The following KIAA0825 variants were observed in gnomAD, a reference collection of about 807,000 sequenced individuals.
The protein encoded by KIAA0825 is KIAA0825.
KIAA0825 carries 119 observed loss-of-function variants against 147.6 expected under a neutral mutation model. The observed-to-expected ratio is 0.81, with a 90% confidence interval of 0.69 to 0.94. KIAA0825 has a LOEUF of 0.94. KIAA0825 is among the 40% of genes least tolerant of loss of function. KIAA0825 has a pLI of 0.00. For missense variants in KIAA0825, 1,381 were observed against 1,472.7 expected, an observed-to-expected ratio of 0.94 and a Z score of 1.02; for synonymous variants, 470 against 518.1, an observed-to-expected ratio of 0.91 and a Z score of 1.26.
At chr5:94,305,731 C>T (rs1295664283) in intron 20 of KIAA0825, among the ~76,000 whole-genome samples, 1 of 151,868 alleles carries the variant, frequency 6.6e-6, no homozygotes, top group Admixed American at 6.6e-5. Flanking sequence ...AGGGTTTTGA[C>T]ATGCCAAACT....
chr5:94,496,995 G>A (rs908301154), intron 5 of KIAA0825, among the ~76,000 whole-genome samples: 13 of 152,088 alleles, frequency 8.5e-5, no homozygotes, highest in Admixed American at 5.2e-4. Context: ...CCTCTTGAAC[G>A]TGGCGCCTTC....
At chr5:94,562,324 A>G (rs1777702240) in intron 2 of KIAA0825, among the ~76,000 whole-genome samples, 1 of 152,182 alleles carries the variant, frequency 6.6e-6, no homozygotes, top group South Asian at 2.1e-4. Context: ...TAAATTTTGG[A>G]TTTCTTCAAA....
At chr5:94,239,404 A>C (rs1775232369) in intron 20 of KIAA0825, among the ~76,000 whole-genome samples, 1 of 152,220 alleles carries the variant, frequency 6.6e-6, no homozygotes. Context: ...GAGATCTGGC[A>C]TTCTGAAAAT....
intron 5 of KIAA0825, among the ~76,000 whole-genome samples, chr5:94,505,151 G>C (rs1765592390): frequency 6.6e-6 from 1 of 151,850 alleles, no homozygotes; most frequent in Non-Finnish European, 1.5e-5. Context: ...CTTGAGGTCA[G>C]GAGTTCAGAC....
intron 20 of KIAA0825, among the ~76,000 whole-genome samples, chr5:94,280,279 C>T (rs922056024): frequency 1.3e-5 from 2 of 152,032 alleles, no homozygotes; most frequent in African/African-American, 4.8e-5. Context: ...CACTCCCAGT[C>T]CAGAACTCTC....
chr5:94,360,212 A>G (rs189435172), intron 20 of KIAA0825, among the ~76,000 whole-genome samples: 2 of 152,294 alleles, frequency 1.3e-5, no homozygotes, highest in East Asian at 1.9e-4. Flanking sequence ...CAAACTTACT[A>G]TCATAACCTG....
intron 15 of KIAA0825, among the ~76,000 whole-genome samples, chr5:94,405,798 T>C (rs1333956011): frequency 6.6e-6 from 1 of 152,182 alleles, no homozygotes; most frequent in Non-Finnish European, 1.5e-5. Flanking sequence ...ACGGGATGGC[T>C]TGGAGCAATC....
Position 94,364,389 on chromosome 5 carries a change from C to CT in KIAA0825, c.3710+19978dup, listed in dbSNP as rs1175486296. Among the ~76,000 whole-genome samples, 388 of 146,180 alleles carry CT rather than the reference C, an allele frequency of 2.7e-3. 2 individuals carry two copies. The highest frequency in any genetic ancestry group is 0.011 in the Middle Eastern group (3 of 274). On this transcript the variant is annotated intron_variant, in intron 20 of 20. Coordinates refer to ENST00000682413, the MANE Select transcript of KIAA0825 (RefSeq NM_001145678.3). ...TATCAGGAAATGCTTCATTTCTTTT[C>CT]TTTTTTTTTTGAGATGGAGTCTTGC...
At chr5:94,216,172 G>T (rs1335010722) in intron 20 of KIAA0825, among the ~76,000 whole-genome samples, 1 of 152,100 alleles carries the variant, frequency 6.6e-6, no homozygotes, top group African/African-American at 2.4e-5. Context: ...TATTAGTTTG[G>T]AATTATAGAT....
At chr5:94,614,139 A>C (rs989867769) in intron 1 of KIAA0825, among the ~76,000 whole-genome samples, 21 of 152,182 alleles carry the variant, frequency 1.4e-4, no homozygotes, top group Non-Finnish European at 2.6e-4. Flanking sequence ...ATAGAAGCAA[A>C]TTTATTGACA....
intron 20 of KIAA0825, among the ~76,000 whole-genome samples, chr5:94,346,398 G>A (rs566047424): frequency 2.0e-5 from 3 of 152,008 alleles, no homozygotes; most frequent in South Asian, 2.1e-4. Flanking sequence ...TTTCCAGATC[G>A]ACTGCAAGAA....
chr5:94,158,341 A>T (rs958386097), intron 20 of KIAA0825, among the ~76,000 whole-genome samples: 2 of 152,068 alleles, frequency 1.3e-5, no homozygotes, highest in Non-Finnish European at 2.9e-5. Flanking sequence ...TTTTGGAGGA[A>T]GTTTGCCAAA....
chr5:94,256,478 GA>G lies in KIAA0825; in HGVS notation c.3711-102355del, dbSNP rs1776260887. ...GCTCAACTTTATTTGTTAAAAGCTA[GA>G]AAAAATTAAAATCATGTAATGCTTA... is the stretch of plus-strand genomic sequence containing the variant. On this transcript the variant is annotated intron_variant, in intron 20 of 20. Coordinates refer to ENST00000682413, the MANE Select transcript of KIAA0825 (RefSeq NM_001145678.3). Among the ~76,000 whole-genome samples, 4 of 152,144 alleles carry G rather than the reference GA, an allele frequency of 2.6e-5. No homozygotes were observed. The South Asian group carries it at 8.3e-4, about 31-fold the overall frequency.
At chr5:94,367,450 A>G (rs749515347) in intron 20 of KIAA0825, among the ~76,000 whole-genome samples, 8 of 152,188 alleles carry the variant, frequency 5.3e-5, no homozygotes, top group Non-Finnish European at 1.0e-4. Context: ...GTGAGCCAAG[A>G]TGGCACCATT....
intron 7 of KIAA0825, among the ~76,000 whole-genome samples, chr5:94,474,476 G>GT (rs1284932584): frequency 6.6e-6 from 1 of 151,904 alleles, no homozygotes; most frequent in South Asian, 2.1e-4. Context: ...GATCTCAGGG[G>GT]TTTTTTTGCT....
At chr5:94,237,350 T>C (rs547513639) in intron 20 of KIAA0825, among the ~76,000 whole-genome samples, 1 of 152,264 alleles carries the variant, frequency 6.6e-6, no homozygotes, top group Non-Finnish European at 1.5e-5. Context: ...AATGTAGATG[T>C]CATCTACATC....
At chr5:94,474,174 T>G in intron 7 of KIAA0825, among the ~76,000 whole-genome samples, 1 of 152,108 alleles carries the variant, frequency 6.6e-6, no homozygotes, top group South Asian at 2.1e-4. Context: ...TTGTGGTGGT[T>G]GGGGGGGTAC....
In KIAA0825 at chr5:94,260,289, A is replaced by C. The variant is rs577285123; in HGVS notation, c.3711-106165T>G. 3.3e-5 allele frequency among the ~76,000 whole-genome samples: 5 copies of C among 152,250 alleles called. No individual in the cohort carries two copies. In the South Asian group the frequency reaches 1.0e-3, roughly 32 times the overall value. Reference sequence around the variant, plus strand: ...TGGAACTAAGCCTCAATTTTACAGTAATAGATTCTCTTTATGATGGCACAA... The same window carrying C: ...TGGAACTAAGCCTCAATTTTACAGTCATAGATTCTCTTTATGATGGCACAA... On this transcript the variant is annotated intron_variant, in intron 20 of 20. Transcript: ENST00000682413.
intron 14 of KIAA0825, among the ~76,000 whole-genome samples, chr5:94,433,691 G>C (rs1053974349): frequency 1.1e-4 from 17 of 152,192 alleles, no homozygotes; most frequent in Admixed American, 5.9e-4. Flanking sequence ...ATACCACACA[G>C]AGCTGTTACG....
Sources: allele counts gnomAD v4.1 joint callset (sites outside exome capture counted in the v4.1 genomes callset), GRCh38; gene constraint gnomAD v4.1.1; transcripts MANE v1.5; gene names NCBI Gene and HGNC (gene_info 2026-07-23, HGNC 2026-07-21).